RALGAPA2: variants seen among roughly 807,000 people sequenced by gnomAD.
RALGAPA2 encodes Ral GTPase activating protein catalytic subunit alpha 2.
Under a neutral mutation model 230.4 loss-of-function variants are expected in RALGAPA2, and 139 were observed. The ratio of observed to expected loss-of-function variants is 0.60; its 90% confidence interval spans 0.53 to 0.69. The LOEUF (loss-of-function observed/expected upper bound fraction) is 0.69. Ranked by LOEUF, RALGAPA2 falls within the 30% of genes least tolerant of loss-of-function variation. The probability of loss-of-function intolerance (pLI) is 0.00; values close to 1 mark genes in which losing one functional copy is unlikely to be tolerated. For missense variants in RALGAPA2, 2,163 were observed against 2,276.0 expected (o/e 0.95, Z 1.01); for synonymous variants, 847 against 837.8 (o/e 1.01, Z -0.19).
At chr20:20,612,410 C>G (rs1032932787) in intron 13 of RALGAPA2, among the ~76,000 whole-genome samples, 1 of 152,172 alleles carries the variant, frequency 6.6e-6, no homozygotes, top group East Asian at 1.9e-4. Context: ...GAGAATAGGA[C>G]AAAGTAATCA....
rs1408841612 is a variant in RALGAPA2 at position 20,546,743 on chromosome 20, G to A, written c.3246C>T (p.Ile1082=). ...TGCTAAGGACCCTGGCAGCGGCCGT[G>A]ATGAAGTCCCCCACCAGCATTGAGA... ...PGFSMLVGDF[I]TAAARVLSTD... is the part of the protein sequence containing the mutation. The change falls in exon 24 of 40, where the codon ATC becomes ATT. Residue 1082 remains isoleucine, a synonymous_variant. Transcript: ENST00000202677. 5.0e-6 allele frequency: 8 copies of A among 1,611,954 alleles called. No individual in the cohort carries two copies. Among genetic ancestry groups the A allele is most frequent in the Non-Finnish European group, 6.8e-6 (8 of 1,179,266 alleles).
chr20:20,649,210 T>G (rs569441866), intron 4 of RALGAPA2, among the ~76,000 whole-genome samples: 1 of 152,114 alleles, frequency 6.6e-6, no homozygotes, highest in African/African-American at 2.4e-5. Flanking sequence ...GGGAGTCCTG[T>G]GTGAAGTGCA....
intron 4 of RALGAPA2, among the ~76,000 whole-genome samples, chr20:20,645,918 G>T (rs942072094): frequency 1.3e-5 from 2 of 151,676 alleles, no homozygotes; most frequent in Admixed American, 6.6e-5. Context: ...CACAGGACAG[G>T]GCATCAGCTA....
chr20:20,696,156 G>A (rs888107601), intron 1 of RALGAPA2, among the ~76,000 whole-genome samples: 6 of 152,122 alleles, frequency 3.9e-5, no homozygotes, highest in Non-Finnish European at 7.3e-5. Flanking sequence ...TTTCCGTCCT[G>A]TCTTCTCATC....
At chr20:20,417,204 C>T (rs1277102609) in intron 37 of RALGAPA2, among the ~76,000 whole-genome samples, 1 of 152,204 alleles carries the variant, frequency 6.6e-6, no homozygotes, top group Non-Finnish European at 1.5e-5. Flanking sequence ...TTGAAAACCT[C>T]TGGCTAAATA....
intron 23 of RALGAPA2, among the ~76,000 whole-genome samples, chr20:20,552,918 A>C (rs2063969663): frequency 6.6e-6 from 1 of 152,170 alleles, no homozygotes. Context: ...TGATTAAAAA[A>C]TAAATCAAAT....
At chr20:20,566,332 A>C (rs1265828045) in intron 23 of RALGAPA2, among the ~76,000 whole-genome samples, 2 of 152,236 alleles carry the variant, frequency 1.3e-5, no homozygotes, top group African/African-American at 2.4e-5. Flanking sequence ...CCATGGACAC[A>C]AAAGAAGCAT....
intron 37 of RALGAPA2, among the ~76,000 whole-genome samples, chr20:20,458,444 C>CATATAATACATATGTATTTTATATAAT (rs2061177841): frequency 8.5e-6 from 1 of 118,058 alleles, no homozygotes; most frequent in Admixed American, 8.7e-5. Context: ...TTTTATATTA[C>CATATAATACATATGTATTTTATATAAT]ATATAATACA....
rs1341505649 is a variant in RALGAPA2, at chr20:20,669,119, T to C, written c.270+7117A>G. Among the ~76,000 whole-genome samples, 3 of 152,360 alleles carry C rather than the reference T, an allele frequency of 2.0e-5. No homozygotes were observed. The East Asian group carries it at 5.8e-4, about 29-fold the overall frequency. ...AACATCCAAATGAGTGGCACTCCAA[T>C]GCCAGAACATGTTTACGTTTTGAAA... On this transcript the variant is annotated intron_variant, in intron 3 of 39. Transcript: ENST00000202677.
chr20:20,434,603 CA>C lies in RALGAPA2; in HGVS notation c.5496-22456del, dbSNP rs571690691. Reference sequence around the variant, plus strand: ...ATGTGTTTGTTTTAAAGCAGTCTGCCATTGCCTTTCATCTGTTTGGGTAGAG... The same window carrying C: ...ATGTGTTTGTTTTAAAGCAGTCTGCCTTGCCTTTCATCTGTTTGGGTAGAG... On this transcript the variant is annotated intron_variant, in intron 37 of 39. Coordinates refer to ENST00000202677, the MANE Select transcript of RALGAPA2 (RefSeq NM_020343.4). 1.6e-4 allele frequency among the ~76,000 whole-genome samples: 25 copies of C among 152,236 alleles called. No individual in the cohort carries two copies. In the South Asian group the frequency reaches 3.7e-3, roughly 23 times the overall value.
intron 3 of RALGAPA2, among the ~76,000 whole-genome samples, chr20:20,661,283 T>C (rs2067767948): frequency 1.3e-5 from 2 of 152,100 alleles, no homozygotes; most frequent in South Asian, 4.1e-4. Flanking sequence ...CTCAGCCTCC[T>C]GAGTAGCTGG....
intron 15 of RALGAPA2, among the ~76,000 whole-genome samples, chr20:20,602,806 T>C (rs994644804): frequency 1.4e-5 from 2 of 143,786 alleles, no homozygotes; most frequent in African/African-American, 2.6e-5. Context: ...TCTTGCAGAA[T>C]GGCAGGCGTG....
chr20:20,696,689 T>A (rs2069124754), intron 1 of RALGAPA2, among the ~76,000 whole-genome samples: 1 of 151,726 alleles, frequency 6.6e-6, no homozygotes. Context: ...ATGACTCAGA[T>A]CCTGGTACTT....
At chr20:20,593,926 C>T (rs770605105) in intron 16 of RALGAPA2, among the ~76,000 whole-genome samples, 2 of 152,156 alleles carry the variant, frequency 1.3e-5, no homozygotes, top group Non-Finnish European at 2.9e-5. Flanking sequence ...ACAGGCTGGC[C>T]TAATGCAGCT....
intron 6 of RALGAPA2, among the ~76,000 whole-genome samples, chr20:20,640,359 C>T (rs868352470): frequency 1.2e-4 from 18 of 152,220 alleles, no homozygotes; most frequent in African/African-American, 4.3e-4. Context: ...GTGATAAGAA[C>T]AATAAAAACA....
chr20:20,536,392 T>C (rs1169061943), intron 25 of RALGAPA2, among the ~76,000 whole-genome samples: 1 of 152,250 alleles, frequency 6.6e-6, no homozygotes, highest in Non-Finnish European at 1.5e-5. Flanking sequence ...ATTCACTACA[T>C]GATTATGATC....
Position 20,530,373 on chromosome 20 carries a change from G to C in RALGAPA2, c.3582+1314C>G, listed in dbSNP as rs144357075. On this transcript the variant is annotated intron_variant, in intron 27 of 39. Transcript: ENST00000202677. ...TCCTCATCACAGGGATCAGCAGCAA[G>C]TGTTTTTCCAGCTCCCATAATACAA... 2.9e-4 allele frequency among the ~76,000 whole-genome samples: 44 copies of C among 152,354 alleles called. No individual in the cohort carries two copies. In the South Asian group the frequency reaches 8.3e-3, roughly 29 times the overall value.
intron 39 of RALGAPA2, 105 bp from the exon 40 acceptor site, chr20:20,393,358 G>A (rs36010444): frequency 0.26 from 242,904 of 934,976 alleles, 32,637 homozygotes; most frequent in Admixed American, 0.3. Context: ...GAAACTCCCA[G>A]GAGAAGGGTC....
intron 3 of RALGAPA2, among the ~76,000 whole-genome samples, chr20:20,671,388 C>A (rs1419629872): frequency 6.6e-6 from 1 of 152,306 alleles, no homozygotes; most frequent in Non-Finnish European, 1.5e-5. Context: ...TTTAACACAT[C>A]TTATTAATTC....
Sources: gnomAD v4.1 joint callset for allele counts (sites outside exome capture counted in the v4.1 genomes callset) on GRCh38, gnomAD v4.1.1 for gene constraint, MANE v1.5 for transcripts, NCBI Gene and HGNC (gene_info 2026-07-23, HGNC 2026-07-21) for gene names.